The following EZR variants were observed in gnomAD, a reference collection of about 807,000 sequenced individuals.
EZR encodes the protein ezrin.
Under a neutral mutation model 74.8 loss-of-function variants are expected in EZR, and 40 were observed. The ratio of observed to expected loss-of-function variants is 0.53; its 90% CI spans 0.42 to 0.70. The LOEUF is 0.70. Among genes scored for constraint, EZR ranks in the 30% least tolerant of loss-of-function variants. The pLI is 0.00. For synonymous variants in EZR, 341 were observed against 283.3 expected (o/e 1.20, Z -2.05); for missense variants, 678 against 755.8 (o/e 0.90, Z 1.21).
At position 158,772,475 on chromosome 6, in the gene EZR, G is replaced by A. The variant is rs142162810; in HGVS notation, c.796-1068C>T. On this transcript the variant is annotated intron_variant, in intron 8 of 13. Transcript: ENST00000367075. ...TGACGTTCAGGAGGTGCTCGGCGCA[G>A]GAAGAGCTGGCTGACACACACAGCG... Among the ~76,000 whole-genome samples the A allele has an allele frequency of 3.0e-3, 455 of 152,362 alleles. 4 individuals are homozygous for A. The highest frequency in any genetic ancestry group is 0.01 in the African/African-American group (435 of 41,574).
At chr6:158,813,243 C>A (rs907250789) in intron 2 of EZR, among the ~76,000 whole-genome samples, 1 of 152,322 alleles carries the variant, frequency 6.6e-6, no homozygotes, top group African/African-American at 2.4e-5. Context: ...GTCACGTCCT[C>A]AAGGATGCCT....
chr6:158,812,993 C>G (rs1777479929), intron 2 of EZR, among the ~76,000 whole-genome samples: 2 of 152,212 alleles, frequency 1.3e-5, no homozygotes, highest in African/African-American at 4.8e-5. Flanking sequence ...CTTGCTGTCT[C>G]CTGCCTCCTG....
intron 8 of EZR, among the ~76,000 whole-genome samples, chr6:158,775,801 T>C (rs1449293931): frequency 6.6e-6 from 1 of 152,170 alleles, no homozygotes; most frequent in African/African-American, 2.4e-5. Flanking sequence ...TAAAACCAAA[T>C]TTACATAATG....
At chr6:158,784,403 G>A (rs1204307113) in intron 6 of EZR, among the ~76,000 whole-genome samples, 1 of 152,178 alleles carries the variant, frequency 6.6e-6, no homozygotes, top group Admixed American at 6.5e-5. Flanking sequence ...TCTACAAAGG[G>A]AGGGTGTAAG....
chr6:158,812,990 T>C (rs937706494), intron 2 of EZR, among the ~76,000 whole-genome samples: 2 of 152,150 alleles, frequency 1.3e-5, no homozygotes, highest in South Asian at 4.1e-4. Context: ...ACCCTTGCTG[T>C]CTCCTGCCTC....
At chr6:158,814,387 A>ACTGCATCAGG (rs56043720) in intron 2 of EZR, among the ~76,000 whole-genome samples, 1 of 151,368 alleles carries the variant, frequency 6.6e-6, no homozygotes, top group Non-Finnish European at 1.5e-5. Context: ...TTTCCTCTCG[A>ACTGCATCAGG]CGTTACCTAG....
intron 2 of EZR, among the ~76,000 whole-genome samples, chr6:158,816,319 T>C (rs1777553131): frequency 1.3e-5 from 2 of 152,212 alleles, no homozygotes; most frequent in East Asian, 1.9e-4. Context: ...GGATAAACTG[T>C]ATATTTTACC....
chr6:158,777,979 A>C (rs1791327968), intron 7 of EZR, among the ~76,000 whole-genome samples: 1 of 152,186 alleles, frequency 6.6e-6, no homozygotes, highest in Non-Finnish European at 1.5e-5. Flanking sequence ...TTCGAGATGT[A>C]ATTTTCTTTA....
chr6:158,770,050 C>A (rs1791052565), intron 10 of EZR, 106 bp from the exon 11 acceptor site: 1 of 1,442,916 alleles, frequency 6.9e-7, no homozygotes, highest in East Asian at 2.3e-5. Context: ...GACCAAGTCA[C>A]AGGTTGAGGG....
At chr6:158,777,957 T>C (rs1437858343) in intron 7 of EZR, among the ~76,000 whole-genome samples, 1 of 152,172 alleles carries the variant, frequency 6.6e-6, no homozygotes, top group African/African-American at 2.4e-5. Flanking sequence ...GCAATGAGTT[T>C]GTTCTTTTAT....
intron 1 of EZR, among the ~76,000 whole-genome samples, chr6:158,818,404 G>A (rs1241663790): frequency 2.5e-4 from 38 of 151,290 alleles, no homozygotes; most frequent in Middle Eastern, 3.2e-3. Context: ...AGGGGCAGCC[G>A]GCGGGCACTG....
intron 7 of EZR, 61 bp downstream of exon 7, chr6:158,783,459 T>C (rs1791484144): frequency 6.6e-7 from 1 of 1,509,960 alleles, no homozygotes; most frequent in South Asian, 1.3e-5. Context: ...ATTTGCCATT[T>C]TGCCATTGTT....
intron 2 of EZR, 69 bp downstream of exon 2, chr6:158,818,013 T>G (rs1178896660): frequency 4.6e-6 from 7 of 1,531,842 alleles, no homozygotes; most frequent in Admixed American, 1.7e-5. Flanking sequence ...CCCCAACACC[T>G]CGAGCAGGTG....
At chr6:158,792,004 G>A (rs565075792) in intron 2 of EZR, among the ~76,000 whole-genome samples, 1 of 151,100 alleles carries the variant, frequency 6.6e-6, no homozygotes, top group South Asian at 2.1e-4. Context: ...CACCGCGCCC[G>A]GCCCAGACTC....
Position 158,770,780 on chromosome 6 carries a change from T to A in EZR, c.1074A>T (p.Thr358=), listed in dbSNP as rs1791080244. The A allele has an allele frequency of 6.2e-7, 1 of 1,614,200 alleles. No individual in the cohort carries two copies. Among genetic ancestry groups the A allele is most frequent in the East Asian group, 2.2e-5 (1 of 44,886 alleles). ...GCGCCTGACCTCTCTCTGCCTTCTT[T>A]GTCTTCTCCTCATAGTCCTGCAGCC... ...MLRLQDYEEK[T]KKAERELSEQ... is the part of the protein sequence containing the mutation. The change falls in exon 10 of 14, where the codon ACA becomes ACT. Residue 358 remains threonine (T), a synonymous_variant. Transcript: ENST00000367075.
chr6:158,782,822 T>A (rs1299437814), intron 7 of EZR, among the ~76,000 whole-genome samples: 2 of 152,210 alleles, frequency 1.3e-5, no homozygotes, highest in African/African-American at 4.8e-5. Flanking sequence ...AATCTAGGAT[T>A]ATGCTGATGT....
intron 12 of EZR, among the ~76,000 whole-genome samples, chr6:158,769,085 A>G (rs1178873201): frequency 1.3e-5 from 2 of 152,226 alleles, no homozygotes; most frequent in African/African-American, 4.8e-5. Flanking sequence ...TCCTCCCTCT[A>G]TGAATCCAGC....
intron 5 of EZR, 37 bp from the exon 6 acceptor site, chr6:158,784,764 G>A (rs1165256125): frequency 1.3e-6 from 2 of 1,592,016 alleles, no homozygotes; most frequent in African/African-American, 1.3e-5. Context: ...TCATCCTTAA[G>A]GAATGTGACA....
At chr6:158,807,967 T>C (rs1777379388) in intron 2 of EZR, among the ~76,000 whole-genome samples, 1 of 152,216 alleles carries the variant, frequency 6.6e-6, no homozygotes, top group Non-Finnish European at 1.5e-5. Flanking sequence ...TCACTGGATG[T>C]GACTGTCAAC....
Sources: allele counts gnomAD v4.1 joint callset (sites outside exome capture counted in the v4.1 genomes callset), GRCh38; gene constraint gnomAD v4.1.1; transcripts MANE v1.5; gene names NCBI Gene and HGNC (gene_info 2026-07-23, HGNC 2026-07-21).